CEP128: variants seen among roughly 807,000 people sequenced by gnomAD.
CEP128 encodes the protein centrosomal protein 128, also known as centrosomal protein 128kDa.
A neutral mutation model predicts 156.7 loss-of-function variants in CEP128; 132 were observed. The observed-to-expected ratio is 0.84, with a 90% confidence interval of 0.73 to 0.97. The LOEUF (loss-of-function observed/expected upper bound fraction) is 0.97, where lower values mean the gene tolerates loss of function less well. Ranked by LOEUF, CEP128 falls within the 50% of genes least tolerant of loss-of-function variation. CEP128 has a pLI of 0.00. For synonymous variants in CEP128, 469 were observed against 448.9 expected, an observed-to-expected ratio of 1.04 and a Z score of -0.57; for missense variants, 1,252 against 1,281.9, an observed-to-expected ratio of 0.98 and a Z score of 0.36.
intron 14 of CEP128, among the ~76,000 whole-genome samples, chr14:80,786,285 C>T (rs1901401354): frequency 6.6e-6 from 1 of 152,082 alleles, no homozygotes; most frequent in Admixed American, 6.6e-5. Context: ...AAATAATGGG[C>T]AGCCAAGGGA....
chr14:80,623,632 AAT>A (rs1203552842), intron 19 of CEP128, among the ~76,000 whole-genome samples: 1 of 152,016 alleles, frequency 6.6e-6, no homozygotes. Flanking sequence ...AAAAAAAGGA[AAT>A]AGGTCCAATT....
intron 19 of CEP128, among the ~76,000 whole-genome samples, chr14:80,612,294 TA>T (rs1484296109): frequency 1.3e-5 from 2 of 152,092 alleles, no homozygotes; most frequent in African/African-American, 4.8e-5. Flanking sequence ...AATGATTTGG[TA>T]AAAGGGGTGA....
At chr14:80,638,631 T>C (rs1365491485) in intron 19 of CEP128, among the ~76,000 whole-genome samples, 2 of 152,208 alleles carry the variant, frequency 1.3e-5, no homozygotes, top group Non-Finnish European at 2.9e-5. Flanking sequence ...TTATATACGA[T>C]GTCTTTTACC....
chr14:80,528,087 G>C (rs1415856613), intron 22 of CEP128, among the ~76,000 whole-genome samples: 2 of 151,814 alleles, frequency 1.3e-5, no homozygotes, highest in African/African-American at 2.4e-5. Flanking sequence ...AAGCTAGAAG[G>C]GGTATTATAA....
chr14:80,894,974 C>T (rs1440989256), intron 8 of CEP128, among the ~76,000 whole-genome samples: 2 of 151,580 alleles, frequency 1.3e-5, no homozygotes, highest in African/African-American at 4.8e-5. Context: ...ATCTTGCTAA[C>T]TTTCCTTGAA....
chr14:80,509,381 T>C (rs573584237), intron 23 of CEP128, among the ~76,000 whole-genome samples: 8 of 152,336 alleles, frequency 5.3e-5, no homozygotes, highest in African/African-American at 1.9e-4. Context: ...GTGATTTACA[T>C]TTCTCAATGA....
At chr14:80,711,895 G>A (rs534491877) in intron 19 of CEP128, among the ~76,000 whole-genome samples, 13 of 151,852 alleles carry the variant, frequency 8.6e-5, no homozygotes, top group South Asian at 2.1e-4. Context: ...TAAAAAATTC[G>A]AGTGAAAATA....
rs565748265 is a variant in CEP128, at chr14:80,787,442, C to G, written c.1561-1897G>C. ...CCGAAGCTCCAACTCTCTCTGACGT[C>G]CCCTTCTCTCAATAGCCAGAAAAAA... On this transcript the variant is annotated intron_variant, in intron 14 of 24. Coordinates refer to ENST00000555265, the MANE Select transcript of CEP128 (RefSeq NM_152446.5). Among the ~76,000 whole-genome samples, 4 of 152,244 alleles carry G rather than the reference C, an allele frequency of 2.6e-5. No individual in the cohort carries two copies. The East Asian group carries it at 7.7e-4, about 29-fold the overall frequency.
intron 19 of CEP128, among the ~76,000 whole-genome samples, chr14:80,670,765 C>T (rs72690939): frequency 0.13 from 19,781 of 151,740 alleles, 1,571 homozygotes; most frequent in Non-Finnish European, 0.2. Context: ...TATAAATTTA[C>T]GTACATTTTA....
chr14:80,800,628 G>A (rs1883786083), intron 13 of CEP128, among the ~76,000 whole-genome samples: 1 of 152,180 alleles, frequency 6.6e-6, no homozygotes, highest in South Asian at 2.1e-4. Context: ...CTCCTGAAGA[G>A]GAATCATACG....
intron 16 of CEP128, among the ~76,000 whole-genome samples, chr14:80,775,343 A>G (rs545770353): frequency 6.6e-6 from 1 of 152,338 alleles, no homozygotes; most frequent in East Asian, 1.9e-4. Context: ...ATCCAACAAA[A>G]TTTTGATTCA....
At chr14:80,591,191 C>T (rs1205502776) in intron 19 of CEP128, among the ~76,000 whole-genome samples, 1 of 151,990 alleles carries the variant, frequency 6.6e-6, no homozygotes, top group Non-Finnish European at 1.5e-5. Context: ...CTAAATGTCC[C>T]AATTAAAAGA....
At chr14:80,829,947 G>A (rs942532549) in intron 13 of CEP128, among the ~76,000 whole-genome samples, 2 of 152,158 alleles carry the variant, frequency 1.3e-5, no homozygotes, top group African/African-American at 4.8e-5. Flanking sequence ...AAGAAACAAT[G>A]TGAAGGAAGG....
chr14:80,905,919 A>AT, intron 5 of CEP128, 36 bp downstream of exon 5: 1 of 1,601,692 alleles, frequency 6.2e-7, no homozygotes, highest in South Asian at 1.1e-5. Context: ...CTTCAAAAAT[A>AT]TTTTTAATGT....
intron 5 of CEP128, chr14:80,905,700 C>A (rs1391226861): frequency 3.2e-6 from 1 of 309,406 alleles, no homozygotes; most frequent in Non-Finnish European, 5.9e-6. Context: ...TGGCAGCAGA[C>A]AATTAAATCT....
exon 15 of CEP128, chr14:80,477,301 A>T (rs1886962244): frequency 6.6e-6 from 1 of 152,164 alleles, no homozygotes; most frequent in Non-Finnish European, 1.5e-5. Flanking sequence ...GCCCATATTA[A>T]GGTTTCTTTG....
intron 13 of CEP128, among the ~76,000 whole-genome samples, chr14:80,795,709 T>C (rs1883425025): frequency 6.6e-6 from 1 of 152,194 alleles, no homozygotes; most frequent in Non-Finnish European, 1.5e-5. Context: ...CTACCATTTT[T>C]ACCTTTGGTT....
At chr14:80,939,663 T>A (rs1001649788) in intron 1 of CEP128, 123 bp from the exon 2 acceptor site, 1 of 152,268 alleles carries the variant, frequency 6.6e-6, no homozygotes, top group East Asian at 1.9e-4. Flanking sequence ...GAGAAAATGC[T>A]CCTAGAATGA....
intron 9 of CEP128, among the ~76,000 whole-genome samples, chr14:80,848,624 C>T (rs1886728759): frequency 1.3e-5 from 2 of 150,916 alleles, no homozygotes; most frequent in South Asian, 4.2e-4. Flanking sequence ...CGTGCCACTG[C>T]ACTCCAGCCT....
Sources: gnomAD v4.1 joint callset for allele counts (sites outside exome capture counted in the v4.1 genomes callset) on GRCh38, gnomAD v4.1.1 for gene constraint, MANE v1.5 for transcripts, NCBI Gene and HGNC (gene_info 2026-07-23, HGNC 2026-07-21) for gene names.